ATP11A: variants seen among roughly 807,000 people sequenced by gnomAD.
The protein encoded by ATP11A is ATPase phospholipid transporting 11A, also known as phospholipid-transporting ATPase IH.
In ATP11A, 81 loss-of-function variants were observed where a neutral mutation model predicts 154.4. The observed-to-expected ratio is 0.52, with a 90% confidence interval of 0.44 to 0.63. ATP11A has a LOEUF of 0.63. ATP11A is among the 30% of genes least tolerant of loss of function. ATP11A has a pLI of 0.00. For synonymous variants in ATP11A, 623 were observed against 585.9 expected (o/e 1.06, Z -0.91); for missense variants, 1,316 against 1,474.3 (o/e 0.89, Z 1.76).
chr13:112,782,513 G>A (rs1328735434), intron 1 of ATP11A, among the ~76,000 whole-genome samples: 5 of 152,350 alleles, frequency 3.3e-5, no homozygotes, highest in Non-Finnish European at 7.3e-5. Context: ...ATTTGGCTAT[G>A]TTCTGTGAAA....
intron 1 of ATP11A, among the ~76,000 whole-genome samples, chr13:112,719,548 G>T (rs535245172): frequency 1.3e-5 from 2 of 152,176 alleles, no homozygotes; most frequent in Non-Finnish European, 2.9e-5. Flanking sequence ...ACGGGGCAGC[G>T]TCCGTTCTAC....
chr13:112,779,225 T>G (rs1566469135), intron 1 of ATP11A, among the ~76,000 whole-genome samples: 7 of 106,366 alleles, frequency 6.6e-5, no homozygotes, highest in African/African-American at 7.6e-5. Context: ...GCCGCTGGAG[T>G]GAGGAGTAGC....
At chr13:112,712,160 C>G (rs1176631925) in intron 1 of ATP11A, among the ~76,000 whole-genome samples, 1 of 152,202 alleles carries the variant, frequency 6.6e-6, no homozygotes, top group Non-Finnish European at 1.5e-5. Flanking sequence ...GAGTGACACA[C>G]GCTATGCTGC....
At chr13:112,732,248 A>T (rs1017186892) in intron 1 of ATP11A, among the ~76,000 whole-genome samples, 4 of 152,212 alleles carry the variant, frequency 2.6e-5, no homozygotes, top group African/African-American at 9.6e-5. Context: ...AAACGTTTCT[A>T]AGTTAAAACA....
rs766768685 is a variant in ATP11A, at chr13:112,851,129, C to G, written c.1902C>G (p.Ala634=). Residue 634 remains alanine (A), a synonymous_variant, in exon 18 of 30, where the codon GCC becomes GCG. Transcript: ENST00000375645. ...AGCTGCTGCAGGCTGCCAAAGTGGC[C>G]CTTCAAGATCGAGAGAAAAAGTTAG... ...ICKLLQAAKV[A]LQDREKKLAE... is the part of the protein sequence containing the mutation. 6.2e-7 allele frequency: 1 copy of G among 1,613,986 alleles called. No homozygotes were observed. Among genetic ancestry groups the G allele is most frequent in the African/African-American group, 1.3e-5 (1 of 74,898 alleles).
intron 2 of ATP11A, among the ~76,000 whole-genome samples, chr13:112,791,066 C>T (rs927132639): frequency 6.6e-6 from 1 of 152,224 alleles, no homozygotes; most frequent in African/African-American, 2.4e-5. Context: ...TCGACGCAGT[C>T]TCAGGCGGAG....
chr13:112,880,777 A>C, intron 29 of ATP11A: 4 of 1,157,650 alleles, frequency 3.5e-6, no homozygotes, highest in South Asian at 3.4e-5. Flanking sequence ...AGCCCTCTTT[A>C]CACACACATG....
chr13:112,854,937 C>T (rs916166449), intron 19 of ATP11A, among the ~76,000 whole-genome samples: 22 of 152,188 alleles, frequency 1.4e-4, no homozygotes, highest in African/African-American at 5.3e-4. Context: ...TAAGACGAAG[C>T]AGTACATGCC....
At chr13:112,743,137 C>T (rs1891730506) in intron 1 of ATP11A, among the ~76,000 whole-genome samples, 1 of 152,196 alleles carries the variant, frequency 6.6e-6, no homozygotes, top group Non-Finnish European at 1.5e-5. Context: ...TGCTCCAGTG[C>T]CCTCATCCTT....
chr13:112,874,817 C>T (rs1249657663), intron 27 of ATP11A, among the ~76,000 whole-genome samples: 1 of 152,180 alleles, frequency 6.6e-6, no homozygotes, highest in Non-Finnish European at 1.5e-5. Flanking sequence ...CTCTGGAGAG[C>T]CCGGCCATTC....
At chr13:112,792,703 C>T (rs553252537) in intron 2 of ATP11A, among the ~76,000 whole-genome samples, 131 of 152,294 alleles carry the variant, frequency 8.6e-4, no homozygotes, top group Middle Eastern at 3.4e-3. Flanking sequence ...CAGCCCAGCA[C>T]GCCCCGTTCC....
rs558219184 is a variant in ATP11A at position 112,875,353 on chromosome 13, G to A, written c.3162-423G>A. Among the ~76,000 whole-genome samples, 8 of 152,302 alleles carry A rather than the reference G, an allele frequency of 5.3e-5. 1 individual carries two copies. In the East Asian group the frequency reaches 7.7e-4, roughly 15 times the overall value. On this transcript the variant is annotated intron_variant, in intron 27 of 29. Transcript: ENST00000375645. The surrounding 1 kb of genome is among the most constrained non-coding windows in gnomAD (Gnocchi z 4.1). ...CTCCCTCATGGAGGCTGACGCAGAC[G>A]TCTTTGAATCATCCTCTTTCTGGGG...
intron 1 of ATP11A, among the ~76,000 whole-genome samples, chr13:112,709,473 T>A (rs76448029): frequency 0.055 from 8,391 of 152,260 alleles, 818 homozygotes; most frequent in African/African-American, 0.19. Context: ...GGCACCCTTT[T>A]AAGTCTGATA....
At chr13:112,719,078 C>CTG (rs1888844603) in intron 1 of ATP11A, among the ~76,000 whole-genome samples, 1 of 151,976 alleles carries the variant, frequency 6.6e-6, no homozygotes, top group African/African-American at 2.4e-5. Flanking sequence ...CTTATTTGAA[C>CTG]TGTGTGTGTG....
intron 1 of ATP11A, among the ~76,000 whole-genome samples, chr13:112,768,748 G>T (rs910209426): frequency 6.6e-6 from 1 of 152,166 alleles, no homozygotes; most frequent in African/African-American, 2.4e-5. Flanking sequence ...TAAACGCAGC[G>T]ACCCCTCGGT....
chr13:112,704,019 CA>C (rs1886873183), intron 1 of ATP11A, among the ~76,000 whole-genome samples: 1 of 152,160 alleles, frequency 6.6e-6, no homozygotes, highest in East Asian at 1.9e-4. Context: ...TTACCGTTGA[CA>C]AAATTGGACC....
At chr13:112,827,090 A>C (rs572671175) in intron 12 of ATP11A, among the ~76,000 whole-genome samples, 199 bp downstream of exon 12, 1 of 152,218 alleles carries the variant, frequency 6.6e-6, no homozygotes, top group Non-Finnish European at 1.5e-5. Flanking sequence ...AATTACCTGC[A>C]CTTGCTGACT....
At chr13:112,794,822 T>A (rs111376463) in intron 2 of ATP11A, among the ~76,000 whole-genome samples, 1,942 of 146,762 alleles carry the variant, frequency 0.013, 48 homozygotes, top group African/African-American at 0.046. Flanking sequence ...GAGCCGAGAT[T>A]GTGCCAACGC....
In ATP11A at chr13:112,785,139, CAGG is replaced by C; in HGVS notation, c.47_49del (p.Gly16del). 2 of 1,539,884 alleles carry C rather than the reference CAGG, an allele frequency of 1.3e-6. No homozygotes were observed. The highest frequency in any genetic ancestry group is 2.5e-5 in the East Asian group (1 of 40,454). ...ACACCGCTCTCCTTTCCGCAGTGTGCAGGAGAAGAGAATTGGGTGGACAGCAGG... is the reference window on the plus strand; with the variant it reads ...ACACCGCTCTCCTTTCCGCAGTGTGCAGAAGAGAATTGGGTGGACAGCAGG... On this transcript the variant is annotated inframe_deletion, in exon 2 of 30. Coordinates refer to ENST00000375645, the MANE Select transcript of ATP11A (RefSeq NM_015205.3). The surrounding 1 kb of genome is among the most constrained non-coding windows in gnomAD (Gnocchi z 4.8).
Sources: gnomAD v4.1 joint callset for allele counts (sites outside exome capture counted in the v4.1 genomes callset) on GRCh38, gnomAD v4.1.1 for gene constraint, Gnocchi (gnomAD v3.1) non-coding constraint, MANE v1.5 for transcripts, NCBI Gene and HGNC (gene_info 2026-07-23, HGNC 2026-07-21) for gene names.